The following GTF2A1L variants were observed in gnomAD, a reference collection of about 807,000 sequenced individuals.
GTF2A1L encodes TFIIA-alpha and beta-like factor.
Under a neutral mutation model 49.7 loss-of-function variants are expected in GTF2A1L, and 48 were observed. The ratio of observed to expected loss-of-function variants is 0.97; its 90% CI spans 0.77 to 1.23. The LOEUF (loss-of-function observed/expected upper bound fraction) is 1.23, where lower values mean the gene tolerates loss of function less well. Among genes scored for constraint, GTF2A1L ranks in the 50% most tolerant of loss-of-function variants. The probability of loss-of-function intolerance (pLI) is 0.00; values close to 1 mark genes in which losing one functional copy is unlikely to be tolerated. For missense variants in GTF2A1L, 736 were observed against 564.8 expected (o/e 1.30, Z -3.07); for synonymous variants, 246 against 193.5 (o/e 1.27, Z -2.25).
rs74337379 is a variant in GTF2A1L, at chr2:48,667,159, A to G, written c.979-2563A>G. Among the ~76,000 whole-genome samples the G allele has an allele frequency of 3.0e-4, 44 of 146,208 alleles. No homozygotes were observed. The East Asian group carries it at 8.9e-3, about 29-fold the overall frequency. On this transcript the variant is annotated intron_variant, in intron 6 of 8. Transcript: ENST00000403751. The stretch of plus-strand genomic sequence containing the variant: ...TTTTTTGTAGAGATGGGATCTTGCT[A>G]TGTTTCCAAGACTAGTCCTGAACTT...
At chr2:48,647,090 C>T (rs1383850487) in intron 6 of GTF2A1L, 48 bp downstream of exon 6, 1 of 1,420,048 alleles carries the variant, frequency 7.0e-7, no homozygotes, top group East Asian at 2.4e-5. Context: ...AGATAGTGGC[C>T]AGTAACTGGA....
intron 6 of GTF2A1L, among the ~76,000 whole-genome samples, chr2:48,663,201 A>C (rs1678620617): frequency 6.6e-6 from 1 of 152,208 alleles, no homozygotes; most frequent in Non-Finnish European, 1.5e-5. Flanking sequence ...TGGGAGGCTG[A>C]GGAAGGAGGA....
rs1456601022 is a variant in GTF2A1L at position 48,679,375 on chromosome 2, A to G, written c.1370A>G (p.Asp457Gly). The stretch of plus-strand genomic sequence containing the variant: ...AACAAATGGAAATTCTATTTGAAAG[A>G]TGGTGTTATGTGTTTTGGAGGGAGA... ...SKNKWKFYLK[D>G]GVMCFGGRDY... Residue 457 changes from aspartate to glycine, a missense_variant, in exon 9 of 9, where the codon GAT (aspartate) becomes GGT (glycine). Asp to Gly is a moderately conservative substitution (Grantham distance 94, BLOSUM62 -1). Coordinates refer to ENST00000403751, the MANE Select transcript of GTF2A1L (RefSeq NM_006872.5). 6.2e-7 allele frequency: 1 copy of G among 1,611,864 alleles called. No individual in the cohort carries two copies. Among genetic ancestry groups the G allele is most frequent in the Non-Finnish European group, 8.5e-7 (1 of 1,178,920 alleles).
chr2:48,637,785 C>T (rs1450986401), intron 3 of GTF2A1L, among the ~76,000 whole-genome samples: 1 of 151,994 alleles, frequency 6.6e-6, no homozygotes, highest in East Asian at 1.9e-4. Context: ...GGGAATGTTA[C>T]CACTGACCCC....
chr2:48,639,068 A>G (rs1440390452), intron 3 of GTF2A1L, among the ~76,000 whole-genome samples: 1 of 152,206 alleles, frequency 6.6e-6, no homozygotes, highest in Non-Finnish European at 1.5e-5. Context: ...AACAAATGGG[A>G]AAACATCCCA....
chr2:48,648,754 T>C (rs1677678147), intron 6 of GTF2A1L, among the ~76,000 whole-genome samples: 4 of 152,108 alleles, frequency 2.6e-5, no homozygotes, highest in Admixed American at 2.6e-4. Context: ...GCTTGTAATA[T>C]ATTGGGTAAC....
In GTF2A1L at chr2:48,646,720, T is replaced by A; in HGVS notation, c.656T>A (p.Val219Glu). The stretch of plus-strand genomic sequence containing the variant: ...GAAAATGCCACCAGTGATATACTTG[T>A]ATCTCCTGGAAATGAGCATAAAATC... The part of the protein sequence containing the change: ...HLENATSDIL[V>E]SPGNEHKIVP... Residue 219 changes from valine (V) to glutamate (E), a missense_variant, in exon 6 of 9, where the codon GTA becomes GAA. By Grantham distance (121) the Val-to-Glu change is moderately radical. Transcript: ENST00000403751. The A allele has an allele frequency of 6.2e-7, 1 of 1,614,220 alleles. No homozygotes were observed. Among genetic ancestry groups the A allele is most frequent in the East Asian group, 2.2e-5 (1 of 44,892 alleles).
chr2:48,632,571 T>A (rs373983134), intron 3 of GTF2A1L: 1 of 152,874 alleles, frequency 6.5e-6, no homozygotes, highest in Admixed American at 6.5e-5. Flanking sequence ...TTAGTAGAGA[T>A]GGTGTTTCAC....
At chr2:48,674,057 A>C (rs779593888) in intron 8 of GTF2A1L, among the ~76,000 whole-genome samples, 10 of 152,128 alleles carry the variant, frequency 6.6e-5, no homozygotes, top group Admixed American at 6.5e-4. Context: ...GCTGCTATGA[A>C]TAATGCCTCT....
intron 6 of GTF2A1L, chr2:48,668,462 C>G (rs986428204): frequency 1.3e-5 from 2 of 152,136 alleles, no homozygotes; most frequent in Admixed American, 6.5e-5. Flanking sequence ...AGGAGCTTGA[C>G]ATTTTATTGA....
At chr2:48,640,473 G>A (rs1417839069) in intron 3 of GTF2A1L, among the ~76,000 whole-genome samples, 1 of 152,076 alleles carries the variant, frequency 6.6e-6, no homozygotes, top group Non-Finnish European at 1.5e-5. Flanking sequence ...CTAAGTGGGA[G>A]CTAGATGATG....
Position 48,647,042 on chromosome 2 carries a change from G to A in GTF2A1L, c.978G>A (p.Lys326=). 6.3e-7 allele frequency: 1 copy of A among 1,588,836 alleles called. No homozygotes were observed. Among genetic ancestry groups the A allele is most frequent in the Non-Finnish European group, 8.6e-7 (1 of 1,167,858 alleles). Residue 326 remains lysine (K), a splice_region_variant and synonymous_variant, in exon 6 of 9, where the codon AAG becomes AAA. Coordinates refer to ENST00000403751, the MANE Select transcript of GTF2A1L (RefSeq NM_006872.5). ...CCAGCAACATACCTGTATCAGAGAA[G>A]GTATAGTTCTGTGTCCAACTTCTTG... is the stretch of plus-strand genomic sequence containing the variant. ...EEPSNIPVSE[K]DSNSQVDLSI...
intron 1 of GTF2A1L, among the ~76,000 whole-genome samples, chr2:48,618,457 C>CT: frequency 6.6e-6 from 1 of 152,266 alleles, no homozygotes; most frequent in East Asian, 1.9e-4. Context: ...CTCAGTGGCA[C>CT]TTAGGAGACC....
At chr2:48,629,066 A>G (rs1366009183) in intron 3 of GTF2A1L, among the ~76,000 whole-genome samples, 4 of 142,514 alleles carry the variant, frequency 2.8e-5, no homozygotes, top group African/African-American at 1.0e-4. Context: ...ACATGGTGAA[A>G]CCTGTCTTTA....
intron 3 of GTF2A1L, chr2:48,633,201 G>A (rs1572707691): frequency 4.7e-6 from 1 of 212,788 alleles, no homozygotes; most frequent in Admixed American, 4.9e-5. Flanking sequence ...GCCTTCTGCG[G>A]AGGCATTTCT....
At chr2:48,657,672 A>G (rs575745594) in intron 6 of GTF2A1L, among the ~76,000 whole-genome samples, 1 of 152,188 alleles carries the variant, frequency 6.6e-6, no homozygotes, top group East Asian at 1.9e-4. Flanking sequence ...AGAAATCTCC[A>G]AACTGCTTTC....
intron 3 of GTF2A1L, among the ~76,000 whole-genome samples, chr2:48,636,308 C>T (rs112852293): frequency 6.6e-6 from 1 of 152,136 alleles, no homozygotes. Flanking sequence ...TCTATTTCAT[C>T]TCGTAAAATA....
At chr2:48,645,469 A>C (rs1393289384) in intron 5 of GTF2A1L, among the ~76,000 whole-genome samples, 1 of 152,174 alleles carries the variant, frequency 6.6e-6, no homozygotes, top group Admixed American at 6.5e-5. Flanking sequence ...ATTAAAGATT[A>C]GGATGATCAA....
intron 6 of GTF2A1L, among the ~76,000 whole-genome samples, chr2:48,657,737 C>T (rs920367245): frequency 1.3e-5 from 2 of 149,192 alleles, no homozygotes; most frequent in Non-Finnish European, 3.0e-5. Flanking sequence ...CATTCCTTTT[C>T]CTCTGCAGCC....
Sources: gnomAD v4.1 joint callset for allele counts (sites outside exome capture counted in the v4.1 genomes callset) on GRCh38, gnomAD v4.1.1 for gene constraint, MANE v1.5 for transcripts, NCBI Gene and HGNC (gene_info 2026-07-23, HGNC 2026-07-21) for gene names.